Variants in TMPRSS4 observed in about 807,000 individuals in gnomAD.
The protein encoded by TMPRSS4 is transmembrane serine protease 4.
A neutral mutation model predicts 56.4 loss-of-function variants in TMPRSS4; 45 were observed. The observed-to-expected ratio is 0.80, with a 90% confidence interval of 0.63 to 1.02. The LOEUF (loss-of-function observed/expected upper bound fraction) is 1.02. TMPRSS4 is among the 50% of genes least tolerant of loss of function. The probability of loss-of-function intolerance (pLI) is 0.00; values close to 1 mark genes in which losing one functional copy is unlikely to be tolerated. For synonymous variants in TMPRSS4, 205 were observed against 211.0 expected (o/e 0.97, Z 0.25); for missense variants, 546 against 556.7 (o/e 0.98, Z 0.19).
At chr11:118,101,575 G>A (rs1218023342) in intron 3 of TMPRSS4, among the ~76,000 whole-genome samples, 1 of 152,152 alleles carries the variant, frequency 6.6e-6, no homozygotes, top group African/African-American at 2.4e-5. Context: ...CTAGGCTCAA[G>A]CAATCCTCCT....
chr11:118,111,952 C>G, intron 8 of TMPRSS4, 52 bp downstream of exon 8: 1 of 1,577,238 alleles, frequency 6.3e-7, no homozygotes, highest in Non-Finnish European at 8.6e-7. Context: ...AGTCAGGGAC[C>G]AGAGAGCTTG....
rs1049272236 is a variant in TMPRSS4 at position 118,121,815 on chromosome 11, G to A, written c.*3902G>A. 2 of 152,082 alleles carry A rather than the reference G, an allele frequency of 1.3e-5. No homozygotes were observed. The highest frequency in any genetic ancestry group is 4.8e-5 in the African/African-American group (2 of 41,396). The allele number at this position is 152,082 out of a possible 1,614,324, so 9.4% of individuals were successfully genotyped here. On this transcript the variant is annotated 3_prime_UTR_variant, in exon 13 of 13. Coordinates refer to ENST00000437212, the MANE Select transcript of TMPRSS4 (RefSeq NM_019894.4). The stretch of plus-strand genomic sequence containing the variant: ...AATTTGACCAAGAAGTTTCCATTGT[G>A]GGTTAATTTTTAAAGGCCTAACTGA...
At chr11:118,081,666 G>T (rs188509190) in intron 1 of TMPRSS4, among the ~76,000 whole-genome samples, 40 of 152,358 alleles carry the variant, frequency 2.6e-4, no homozygotes, top group African/African-American at 9.1e-4. Context: ...CATCAGTCTG[G>T]CTGGGCGTCG....
intron 1 of TMPRSS4, among the ~76,000 whole-genome samples, chr11:118,077,857 C>T (rs1270411827): frequency 6.6e-6 from 1 of 151,554 alleles, no homozygotes; most frequent in Non-Finnish European, 1.5e-5. Context: ...ACTAAAAATA[C>T]AAAAAATTAG....
rs780385802 is a variant in TMPRSS4, at chr11:118,115,444, T to G, written c.1152+164T>G. On this transcript the variant is annotated intron_variant, in intron 11 of 12. Coordinates refer to ENST00000437212, the MANE Select transcript of TMPRSS4 (RefSeq NM_019894.4). Reference sequence around the variant, plus strand: ...GGGAGGGAAGGAAAGGATAGTCAGATAAAAGTGTACCAATAGATGAGTGGG... The same window carrying G: ...GGGAGGGAAGGAAAGGATAGTCAGAGAAAAGTGTACCAATAGATGAGTGGG... 3.4e-4 allele frequency: 274 copies of G among 808,528 alleles called. 1 individual carries two copies. Among genetic ancestry groups the G allele is most frequent in the Non-Finnish European group, 4.8e-4 (252 of 526,060 alleles). The allele number at this position is 808,528 out of a possible 1,614,324, so 50.1% of individuals were successfully genotyped here.
At chr11:118,124,805 A>G, downstream of TMPRSS4, among the ~76,000 whole-genome samples, 1 of 152,238 alleles carries the variant, frequency 6.6e-6, no homozygotes, top group Non-Finnish European at 1.5e-5. Flanking sequence ...TTGACTACAT[A>G]CTAGTCCAAG....
intron 4 of TMPRSS4, among the ~76,000 whole-genome samples, chr11:118,103,463 C>A (rs146852394): frequency 0.035 from 5,316 of 152,292 alleles, 238 homozygotes; most frequent in African/African-American, 0.11. Context: ...CTCACTGCAA[C>A]CTCTGCCTCC....
intron 1 of TMPRSS4, among the ~76,000 whole-genome samples, chr11:118,092,469 GC>G (rs1946035738): frequency 6.6e-6 from 1 of 152,216 alleles, no homozygotes; most frequent in Non-Finnish European, 1.5e-5. Flanking sequence ...CTGGGCGGGG[GC>G]CGCCAGATCA....
intron 2 of TMPRSS4, among the ~76,000 whole-genome samples, 165 bp from the exon 3 acceptor site, chr11:118,098,820 G>T (rs1032631678): frequency 1.3e-5 from 2 of 152,204 alleles, no homozygotes; most frequent in African/African-American, 4.8e-5. Context: ...ACCACGTGCT[G>T]TTGAAGCTAA....
At chr11:118,083,622 C>A (rs1945323175) in intron 1 of TMPRSS4, among the ~76,000 whole-genome samples, 1 of 152,100 alleles carries the variant, frequency 6.6e-6, no homozygotes, top group Non-Finnish European at 1.5e-5. Flanking sequence ...TTATTAATAA[C>A]TAATAAAAAT....
intron 3 of TMPRSS4, 44 bp downstream of exon 3, chr11:118,099,142 A>G (rs1946580476): frequency 6.6e-7 from 1 of 1,517,066 alleles, no homozygotes; most frequent in Non-Finnish European, 9.1e-7. Flanking sequence ...TAAGTAAATG[A>G]CAGGGCCCAA....
Position 118,077,173 on chromosome 11 carries a change from C to T in TMPRSS4, c.-130C>T, listed in dbSNP as rs2135160603. The T allele has an allele frequency of 8.3e-7, 1 of 1,198,246 alleles. No individual in the cohort carries two copies. The highest frequency in any genetic ancestry group is 1.2e-6 in the Non-Finnish European group (1 of 854,758). The allele number at this position is 1,198,246 out of a possible 1,614,324, so 74.2% of individuals were successfully genotyped here. ...GCCTGCCCTGCACTCGGGCCTCCTC[C>T]AGCCAGTGCTGACCAGGGACTTCTG... On this transcript the variant is annotated 5_prime_UTR_variant, in exon 1 of 13. Transcript: ENST00000437212.
chr11:118,090,317 C>CT lies in TMPRSS4; in HGVS notation c.4-4498dup, dbSNP rs149793476. Among the ~76,000 whole-genome samples the CT allele has an allele frequency of 8.9e-3, 1,352 of 152,260 alleles. 17 individuals are homozygous for CT. Among genetic ancestry groups the CT allele is most frequent in the African/African-American group, 0.031 (1,293 of 41,540 alleles). ...ATATTTTTTCAATACTCATTATGTA[C>CT]TGTGCATTGTAGGAGACATCAGGGA... On this transcript the variant is annotated intron_variant, in intron 1 of 12. Coordinates refer to ENST00000437212, the MANE Select transcript of TMPRSS4 (RefSeq NM_019894.4).
intron 7 of TMPRSS4, among the ~76,000 whole-genome samples, chr11:118,111,225 G>A (rs1947262147): frequency 6.6e-6 from 1 of 152,212 alleles, no homozygotes; most frequent in South Asian, 2.1e-4. Flanking sequence ...TGGTGAGGGT[G>A]TGAAAGCCAG....
At chr11:118,115,363 C>T (rs928564174) in intron 11 of TMPRSS4, 83 bp downstream of exon 11, 1 of 1,502,994 alleles carries the variant, frequency 6.7e-7, no homozygotes, top group East Asian at 2.3e-5. Context: ...GCTGCATGCC[C>T]TACAGGAAGC....
intron 3 of TMPRSS4, among the ~76,000 whole-genome samples, chr11:118,101,204 C>A (rs753508832): frequency 1.6e-4 from 25 of 152,152 alleles, no homozygotes; most frequent in Admixed American, 6.5e-5. Flanking sequence ...CAATTCTCCA[C>A]GTCCCTGTTT....
intron 1 of TMPRSS4, among the ~76,000 whole-genome samples, chr11:118,082,906 G>T (rs1005993295): frequency 6.6e-6 from 1 of 152,214 alleles, no homozygotes; most frequent in African/African-American, 2.4e-5. Context: ...CGGCGAGTGG[G>T]TTCCCCAAGC....
downstream of TMPRSS4, among the ~76,000 whole-genome samples, chr11:118,123,804 G>A (rs1201412536): frequency 6.6e-6 from 1 of 152,014 alleles, no homozygotes; most frequent in Non-Finnish European, 1.5e-5. Flanking sequence ...GATTACAGGG[G>A]TGAGCCACCG....
At position 118,077,283 on chromosome 11, in the gene TMPRSS4, G is replaced by T; in HGVS notation, c.-20G>T. 2.5e-6 allele frequency: 4 copies of T among 1,601,044 alleles called. No homozygotes were observed. The highest frequency in any genetic ancestry group is 2.6e-6 in the Non-Finnish European group (3 of 1,173,874). On this transcript the variant is annotated 5_prime_UTR_variant, in exon 1 of 13. Coordinates refer to ENST00000437212, the MANE Select transcript of TMPRSS4 (RefSeq NM_019894.4). ...CTCAGCTCCAGGCTACAGGGAGACC[G>T]GGAGGATCACAGAGCCAGCATGGTG...
Sources: allele counts gnomAD v4.1 joint callset (sites outside exome capture counted in the v4.1 genomes callset), GRCh38; gene constraint gnomAD v4.1.1; transcripts MANE v1.5; gene names NCBI Gene and HGNC (gene_info 2026-07-23, HGNC 2026-07-21).